The following RBFOX3 variants were observed in gnomAD, a reference collection of about 807,000 sequenced individuals.
The protein encoded by RBFOX3 is RNA binding fox-1 homolog 3, also known as RNA binding protein fox-1 homolog 3.
Under a neutral mutation model 48.7 loss-of-function variants are expected in RBFOX3, and 17 were observed. The ratio of observed to expected loss-of-function variants is 0.35; its 90% CI spans 0.24 to 0.52. RBFOX3 has a LOEUF of 0.52. Ranked by LOEUF, RBFOX3 falls within the 20% of genes least tolerant of loss-of-function variation. The pLI, the probability that RBFOX3 is intolerant of heterozygous loss-of-function variation, is 0.94. For synonymous variants in RBFOX3, 212 were observed against 209.5 expected (o/e 1.01, Z -0.10); for missense variants, 382 against 497.5 (o/e 0.77, Z 2.21).
In RBFOX3 at chr17:79,278,691, C is replaced by T. The variant is rs138404451; in HGVS notation, c.-74+29033G>A. ...TGTCTGGTGTCCAGGTGCAGCCTCACACGAAAGGCACCCCTGACTTAAGCC... is the reference window on the plus strand; with the variant it reads ...TGTCTGGTGTCCAGGTGCAGCCTCATACGAAAGGCACCCCTGACTTAAGCC... On this transcript the variant is annotated intron_variant, in intron 3 of 14. Transcript: ENST00000693108. Among the ~76,000 whole-genome samples the T allele has an allele frequency of 2.6e-5, 4 of 152,364 alleles. No individual in the cohort carries two copies. The East Asian group carries it at 7.7e-4, about 29-fold the overall frequency.
the RBFOX3 span, among the ~76,000 whole-genome samples, chr17:79,620,140 C>A: frequency 1.4e-5 from 2 of 143,420 alleles, no homozygotes; most frequent in African/African-American, 5.4e-5. Flanking sequence ...CATGCACACG[C>A]GCACACACAT....
At chr17:79,264,269 T>G (rs924510709) in intron 3 of RBFOX3, among the ~76,000 whole-genome samples, 1 of 151,828 alleles carries the variant, frequency 6.6e-6, no homozygotes, top group African/African-American at 2.4e-5. Flanking sequence ...AGAGACAGGA[T>G]TTCACCATGT....
intron 4 of RBFOX3, among the ~76,000 whole-genome samples, chr17:79,179,588 G>A (rs973416643): frequency 2.0e-4 from 31 of 151,976 alleles, no homozygotes; most frequent in African/African-American, 7.5e-4. Context: ...CTCCCCCGGA[G>A]CCATTTACTG....
intron 1 of RBFOX3, among the ~76,000 whole-genome samples, chr17:79,495,284 G>A (rs1452399417): frequency 1.6e-5 from 2 of 124,782 alleles, no homozygotes; most frequent in African/African-American, 3.2e-5. Flanking sequence ...CGGCTGGCAC[G>A]GGTCGTGAAC....
At chr17:79,580,648 T>C (rs36172401) in intron 1 of RBFOX3, among the ~76,000 whole-genome samples, 5,281 of 152,222 alleles carry the variant, frequency 0.035, 158 homozygotes, top group East Asian at 0.16. Context: ...CAAAGTTTTT[T>C]TTGCTCATGC....
intron 1 of RBFOX3, among the ~76,000 whole-genome samples, chr17:79,515,223 T>G (rs1375274291): frequency 2.0e-5 from 3 of 152,312 alleles, no homozygotes; most frequent in African/African-American, 7.2e-5. Flanking sequence ...AGAGCCCTGC[T>G]CTGGTGAAGC....
chr17:79,094,643 G>C (rs1223397661), intron 13 of RBFOX3, 114 bp from the exon 14 acceptor site: 3 of 635,720 alleles, frequency 4.7e-6, no homozygotes, highest in African/African-American at 2.0e-5. Context: ...CTGTACCGAG[G>C]TCCCATCTGC....
At chr17:79,476,395 G>A (rs1180219637) in intron 2 of RBFOX3, among the ~76,000 whole-genome samples, 3 of 152,190 alleles carry the variant, frequency 2.0e-5, no homozygotes. Context: ...TGTCACACCA[G>A]TGCCAAAAAG....
intron 3 of RBFOX3, among the ~76,000 whole-genome samples, chr17:79,257,746 A>G (rs2065118085): frequency 6.6e-6 from 1 of 151,850 alleles, no homozygotes; most frequent in African/African-American, 2.4e-5. Flanking sequence ...ACACCTGGCT[A>G]ATTTTTGTAT....
At chr17:79,104,033 C>G (rs993843347) in intron 7 of RBFOX3, 40 bp downstream of exon 7, 1 of 1,528,090 alleles carries the variant, frequency 6.5e-7, no homozygotes, top group Non-Finnish European at 8.9e-7. Flanking sequence ...GCGGGACCTA[C>G]AGCCGGCGCT....
chr17:79,476,146 G>A (rs1306937661), intron 2 of RBFOX3, among the ~76,000 whole-genome samples: 3 of 152,196 alleles, frequency 2.0e-5, no homozygotes, highest in East Asian at 1.9e-4. Context: ...GGGGAGCAGC[G>A]GCAGGGCCCT....
At chr17:79,520,821 C>T (rs2085961785) in intron 1 of RBFOX3, among the ~76,000 whole-genome samples, 1 of 152,204 alleles carries the variant, frequency 6.6e-6, no homozygotes, top group South Asian at 2.1e-4. Context: ...CAGACACACT[C>T]GCACACAGCT....
chr17:79,553,397 T>C (rs1369803478), intron 1 of RBFOX3, among the ~76,000 whole-genome samples: 4 of 152,252 alleles, frequency 2.6e-5, no homozygotes, highest in African/African-American at 4.8e-5. Context: ...AATTTTTGCA[T>C]TGATATTTAT....
intron 2 of RBFOX3, among the ~76,000 whole-genome samples, chr17:79,368,965 C>T (rs1031989909): frequency 2.0e-5 from 3 of 152,154 alleles, no homozygotes; most frequent in Non-Finnish European, 4.4e-5. Context: ...TTCACGAAGG[C>T]AGGAAAAGGC....
At chr17:79,376,174 C>T (rs1375298183) in intron 2 of RBFOX3, among the ~76,000 whole-genome samples, 1 of 152,188 alleles carries the variant, frequency 6.6e-6, no homozygotes, top group East Asian at 1.9e-4. Context: ...TCCAGCAGCC[C>T]CTGGGCGAGG....
At chr17:79,357,802 G>GT (rs112789713) in intron 2 of RBFOX3, among the ~76,000 whole-genome samples, 14,013 of 147,494 alleles carry the variant, frequency 0.095, 761 homozygotes, top group African/African-American at 0.14. Context: ...CCTCAAGGGT[G>GT]TTTTTTTTTT....
intron 2 of RBFOX3, among the ~76,000 whole-genome samples, chr17:79,317,129 G>A (rs2077646969): frequency 1.3e-5 from 2 of 151,664 alleles, no homozygotes; most frequent in Non-Finnish European, 1.5e-5. Context: ...TCTCCCCCAC[G>A]GCCACCCCCC....
intron 4 of RBFOX3, chr17:79,234,720 G>GTTT (rs2061427031): frequency 1.1e-5 from 1 of 92,144 alleles, no homozygotes. Context: ...GGCATTAAGT[G>GTTT]CTTTTTTTTT....
At chr17:79,118,300 G>A (rs2034662724) in intron 4 of RBFOX3, among the ~76,000 whole-genome samples, 1 of 152,192 alleles carries the variant, frequency 6.6e-6, no homozygotes, top group Non-Finnish European at 1.5e-5. Context: ...GCCACGGGAG[G>A]GAAGCACACA....
Sources: gnomAD v4.1 joint callset for allele counts (sites outside exome capture counted in the v4.1 genomes callset) on GRCh38, gnomAD v4.1.1 for gene constraint, MANE v1.5 for transcripts, NCBI Gene and HGNC (gene_info 2026-07-23, HGNC 2026-07-21) for gene names.